The following ARPP21 variants were observed in gnomAD, a reference collection of about 807,000 sequenced individuals.
ARPP21 encodes cAMP-regulated phosphoprotein 21.
Under a neutral mutation model 113.2 loss-of-function variants are expected in ARPP21, and 69 were observed. The observed-to-expected ratio is 0.61, with a 90% confidence interval of 0.50 to 0.74. The LOEUF (loss-of-function observed/expected upper bound fraction) is 0.74. ARPP21 is among the 30% of genes least tolerant of loss of function. The pLI is 0.00. For missense variants in ARPP21, 1,070 were observed against 1,037.4 expected (o/e 1.03, Z -0.43); for synonymous variants, 368 against 375.5 (o/e 0.98, Z 0.23).
At chr3:35,707,384 A>T in intron 10 of ARPP21, 1 of 558,502 alleles carries the variant, frequency 1.8e-6, no homozygotes, top group Non-Finnish European at 3.4e-6. Flanking sequence ...CGAGCTGTGG[A>T]GAAAAGCTTT....
rs911617853 is a variant in ARPP21, at chr3:35,639,952, C to G, written c.-659C>G. 6.6e-6 allele frequency: 1 copy of G among 152,262 alleles called. No homozygotes were observed. The highest frequency in any genetic ancestry group is 6.5e-5 in the Admixed American group (1 of 15,282). The allele number at this position is 152,262 out of a possible 1,614,324, so 9.4% of individuals were successfully genotyped here. A position where few individuals can be genotyped will look rare whatever the true frequency, so the allele number is the denominator to read the frequency against. On this transcript the variant is annotated 5_prime_UTR_variant, in exon 1 of 21. Transcript: ENST00000684406. This position sits in a 1 kb window ranked among gnomAD's most constrained non-coding sequence, Gnocchi z 5.0. ...ATCCCGCGCCGAGCTGCTAGTCGGA[C>G]CCACAGACGGTCGGACTGACAGACG... is the stretch of plus-strand genomic sequence containing the variant.
intron 4 of ARPP21, among the ~76,000 whole-genome samples, chr3:35,683,227 AACAAATGAC>A (rs1242240308): frequency 6.6e-6 from 1 of 151,670 alleles, no homozygotes; most frequent in African/African-American, 2.4e-5. Context: ...TATTTTACAA[AACAAATGAC>A]CATTTGTTTT....
intron 19 of ARPP21, among the ~76,000 whole-genome samples, chr3:35,747,016 G>A (rs2095099351): frequency 6.6e-6 from 1 of 152,102 alleles, no homozygotes; most frequent in South Asian, 2.1e-4. Context: ...CTAAACATGT[G>A]GAAGAGGAAG....
chr3:35,717,179 T>C (rs1019035452), intron 12 of ARPP21, 119 bp from the exon 13 acceptor site: 1 of 579,030 alleles, frequency 1.7e-6, no homozygotes, highest in Non-Finnish European at 3.1e-6. Context: ...TTCAACATCA[T>C]ATAAATAAAA....
At chr3:35,681,621 T>C (rs1479756275) in intron 2 of ARPP21, 93 bp from the exon 3 acceptor site, 8 of 690,988 alleles carry the variant, frequency 1.2e-5, no homozygotes, top group Non-Finnish European at 1.9e-5. Flanking sequence ...AATTGCTCAT[T>C]TGGATTTGAA....
intron 19 of ARPP21, among the ~76,000 whole-genome samples, chr3:35,787,404 C>A (rs1416345140): frequency 6.6e-6 from 1 of 152,094 alleles, no homozygotes; most frequent in African/African-American, 2.4e-5. Flanking sequence ...ATAGTCTCTT[C>A]AAAGATTGTG....
Position 35,708,438 on chromosome 3 carries a change from G to A in ARPP21, c.796-531G>A, listed in dbSNP as rs1037622663. 1.3e-5 allele frequency among the ~76,000 whole-genome samples: 2 copies of A among 152,214 alleles called. 1 individual carries two copies. The highest frequency in any genetic ancestry group is 2.9e-5 in the Non-Finnish European group (2 of 68,034). ...CAATTCATGGGATCAGTCACTGAAT[G>A]AATTACACAAATTAGAAGATGAAGA... On this transcript the variant is annotated intron_variant, in intron 10 of 20. Transcript: ENST00000684406.
In ARPP21 at chr3:35,793,879, G is replaced by A. The variant is rs1485181704; in HGVS notation, c.2465G>A (p.Ser822Asn). The A allele has an allele frequency of 6.2e-7, 1 of 1,614,032 alleles. No homozygotes were observed. Among genetic ancestry groups the A allele is most frequent in the Admixed American group, 1.7e-5 (1 of 60,004 alleles). Residue 822 changes from serine to asparagine, a missense_variant, in exon 21 of 21, where the codon AGC (serine) becomes AAC (asparagine). Ser to Asn is a conservative substitution (Grantham distance 46). Coordinates refer to ENST00000684406, the MANE Select transcript of ARPP21 (RefSeq NM_001385562.1). The part of the protein sequence containing the change: ...LRLIGPHCPS[S>N]TVPVMSASCR... ...CTGATTGGCCCACACTGCCCCTCCA[G>A]CACTGTCCCAGTGATGTCAGCTAGC...
chr3:35,700,881 TG>T (rs2086092738), intron 9 of ARPP21, among the ~76,000 whole-genome samples: 1 of 151,322 alleles, frequency 6.6e-6, no homozygotes, highest in African/African-American at 2.4e-5. Flanking sequence ...TGTCGGGCAG[TG>T]GGGGGCTGGG....
intron 1 of ARPP21, among the ~76,000 whole-genome samples, chr3:35,664,089 A>G (rs1004334029): frequency 5.3e-5 from 8 of 152,240 alleles, no homozygotes; most frequent in Admixed American, 4.6e-4. Flanking sequence ...AAGCTTGCAG[A>G]CAATATCTAA....
intron 19 of ARPP21, among the ~76,000 whole-genome samples, chr3:35,746,745 G>A (rs73828906): frequency 1.1e-3 from 175 of 152,280 alleles, no homozygotes; most frequent in African/African-American, 4.0e-3. Context: ...GCTTCTTGGC[G>A]CTGTTCTTAA....
At chr3:35,720,617 A>G (rs2092959607) in intron 13 of ARPP21, among the ~76,000 whole-genome samples, 1 of 152,188 alleles carries the variant, frequency 6.6e-6, no homozygotes, top group South Asian at 2.1e-4. Context: ...ACCTTAAGGT[A>G]TTTTACGGAT....
intron 19 of ARPP21, among the ~76,000 whole-genome samples, chr3:35,791,090 T>A (rs890435327): frequency 2.6e-5 from 4 of 152,210 alleles, no homozygotes; most frequent in African/African-American, 7.2e-5. Flanking sequence ...CAAATTTTCA[T>A]AATATTTCTG....
At chr3:35,736,905 C>T (rs145936315) in intron 15 of ARPP21, among the ~76,000 whole-genome samples, 4 of 152,270 alleles carry the variant, frequency 2.6e-5, no homozygotes, top group Admixed American at 1.3e-4. Context: ...TGGGTACCTC[C>T]GTCCACAGAT....
chr3:35,738,360 A>G lies in ARPP21; in HGVS notation c.1749+42A>G, dbSNP rs189480998. On this transcript the variant is annotated intron_variant, in intron 17 of 20. Transcript: ENST00000684406. ...ATATGACTTTTTCCCCTAGGAAAGC[A>G]TATTCTCTGATTTTACTACTTTTTT... is the stretch of plus-strand genomic sequence containing the variant. The G allele has an allele frequency of 4.0e-3, 5,800 of 1,460,618 alleles. 50 individuals are homozygous for G. Among genetic ancestry groups the G allele is most frequent in the South Asian group, 0.026 (2,103 of 82,240 alleles). The allele number at this position is 1,460,618 out of a possible 1,614,324, so 90.5% of individuals were successfully genotyped here. A position where few individuals can be genotyped will look rare whatever the true frequency, so the allele number is the denominator to read the frequency against.
At chr3:35,713,508 A>G (rs1357280521) in intron 11 of ARPP21, among the ~76,000 whole-genome samples, 1 of 151,892 alleles carries the variant, frequency 6.6e-6, no homozygotes, top group African/African-American at 2.4e-5. Context: ...TGATTCTCCC[A>G]CCTACTCTAC....
chr3:35,743,102 C>G (rs2094778268), intron 18 of ARPP21, among the ~76,000 whole-genome samples: 1 of 152,110 alleles, frequency 6.6e-6, no homozygotes, highest in Non-Finnish European at 1.5e-5. Context: ...GTGGTGTGTA[C>G]CAATCATTCT....
At chr3:35,671,046 T>C (rs1317603267) in intron 1 of ARPP21, among the ~76,000 whole-genome samples, 1 of 152,150 alleles carries the variant, frequency 6.6e-6, no homozygotes, top group Non-Finnish European at 1.5e-5. Context: ...ATATTTATTT[T>C]CATATGCCAT....
At chr3:35,700,005 T>A (rs2085683766) in intron 9 of ARPP21, among the ~76,000 whole-genome samples, 1 of 151,754 alleles carries the variant, frequency 6.6e-6, no homozygotes. Context: ...TTTGGATCAA[T>A]AATAATGTTG....
Sources: gnomAD v4.1 joint callset for allele counts (sites outside exome capture counted in the v4.1 genomes callset) on GRCh38, gnomAD v4.1.1 for gene constraint, Gnocchi (gnomAD v3.1) non-coding constraint, MANE v1.5 for transcripts, NCBI Gene and HGNC (gene_info 2026-07-23, HGNC 2026-07-21) for gene names.